Variants in NR2C2 observed in about 807,000 individuals in gnomAD.
The protein encoded by NR2C2 is Nuclear hormone receptor TR4.
NR2C2 carries 6 observed loss-of-function variants against 62.9 expected under a neutral mutation model. The observed-to-expected ratio is 0.10, with a 90% confidence interval of 0.05 to 0.19. NR2C2 has a LOEUF of 0.19. Ranked by LOEUF, NR2C2 falls within the 10% of genes least tolerant of loss-of-function variation. The pLI is 1.00. For synonymous variants in NR2C2, 272 were observed against 273.8 expected (o/e 0.99, Z 0.07); for missense variants, 479 against 762.7 (o/e 0.63, Z 4.38).
intron 7 of NR2C2, 24 bp from the exon 8 acceptor site, chr3:15,028,562 A>G: frequency 1.2e-6 from 2 of 1,602,062 alleles, no homozygotes; most frequent in Non-Finnish European, 1.7e-6. Flanking sequence ...TTCATTTTTA[A>G]TGTCAGTATT....
intron 1 of NR2C2, among the ~76,000 whole-genome samples, chr3:14,976,546 C>T (rs2040209403): frequency 6.7e-6 from 1 of 150,084 alleles, no homozygotes; most frequent in Non-Finnish European, 1.5e-5. Context: ...AGCTGTCATC[C>T]TTTACTTCTC....
At chr3:14,950,694 T>A (rs1419421754) in intron 1 of NR2C2, among the ~76,000 whole-genome samples, 1 of 152,252 alleles carries the variant, frequency 6.6e-6, no homozygotes, top group African/African-American at 2.4e-5. Context: ...TTGATTAATG[T>A]CTGTCCTTAC....
At chr3:15,020,008 G>T (rs1313166724) in intron 4 of NR2C2, among the ~76,000 whole-genome samples, 1 of 152,154 alleles carries the variant, frequency 6.6e-6, no homozygotes, top group Non-Finnish European at 1.5e-5. Context: ...ATCAAATTAT[G>T]CCTCATAAAT....
chr3:15,002,928 G>A (rs2124926063), intron 1 of NR2C2, among the ~76,000 whole-genome samples: 1 of 150,504 alleles, frequency 6.6e-6, no homozygotes, highest in Non-Finnish European at 1.5e-5. Flanking sequence ...AAAGTGCTGG[G>A]ATTACAGGCG....
rs188884944 is a variant in NR2C2, at chr3:14,987,309, C to T, written c.-39-16567C>T. Among the ~76,000 whole-genome samples, 657 of 152,188 alleles carry T rather than the reference C, an allele frequency of 4.3e-3. 8 individuals carry two copies. Among genetic ancestry groups the T allele is most frequent in the Non-Finnish European group, 5.6e-3 (380 of 68,010 alleles). On this transcript the variant is annotated intron_variant, in intron 1 of 13. Coordinates refer to ENST00000425241, the MANE Select transcript of NR2C2 (RefSeq NM_001291694.2). ...TGTTACCCAGGATGGTCTTGAACTC[C>T]GGGGCGTAAGCAATCCTTCCGCCTT...
intron 1 of NR2C2, among the ~76,000 whole-genome samples, chr3:14,955,361 A>G (rs1490327589): frequency 6.6e-6 from 1 of 152,168 alleles, no homozygotes. Flanking sequence ...GTGGTTGTGT[A>G]TATCAGTTAT....
chr3:15,032,315 TGACA>T (rs2042000714), intron 9 of NR2C2, 60 bp from the exon 10 acceptor site: 4 of 1,610,250 alleles, frequency 2.5e-6, no homozygotes, highest in African/African-American at 1.3e-5. Flanking sequence ...GGATACATGT[TGACA>T]GACAAAGCCA....
At chr3:15,001,785 T>G (rs2041011364) in intron 1 of NR2C2, among the ~76,000 whole-genome samples, 1 of 152,080 alleles carries the variant, frequency 6.6e-6, no homozygotes, top group South Asian at 2.1e-4. Flanking sequence ...ACACACCTGA[T>G]TTTTTGATTT....
At chr3:15,002,371 A>G (rs2041032495) in intron 1 of NR2C2, among the ~76,000 whole-genome samples, 1 of 152,150 alleles carries the variant, frequency 6.6e-6, no homozygotes, top group South Asian at 2.1e-4. Flanking sequence ...AATGCAATGT[A>G]TAGAACTGTT....
chr3:14,965,958 C>T (rs940323278), intron 1 of NR2C2, among the ~76,000 whole-genome samples: 1 of 152,152 alleles, frequency 6.6e-6, no homozygotes, highest in Middle Eastern at 3.2e-3. Context: ...CGTGAGCCAC[C>T]ATGCCTGGCC....
intron 2 of NR2C2, among the ~76,000 whole-genome samples, chr3:15,012,124 A>C (rs1199134428): frequency 6.6e-6 from 1 of 151,892 alleles, no homozygotes; most frequent in Admixed American, 6.6e-5. Context: ...TGCCTATGTC[A>C]TTTTATTTTG....
rs147525023 is a variant in NR2C2 at position 14,958,195 on chromosome 3, T to G, written c.-40+10289T>G. Among the ~76,000 whole-genome samples, 29 of 152,342 alleles carry G rather than the reference T, an allele frequency of 1.9e-4. 1 individual carries two copies. The East Asian group carries it at 5.6e-3, about 29-fold the overall frequency. On this transcript the variant is annotated intron_variant, in intron 1 of 13. Transcript: ENST00000425241. ...TCATAAGTTCATCAAGGACAAGGAC[T>G]GTTTATTCTCCTCTTTCTCCTCCTT...
rs557648379 is a variant in NR2C2 at position 14,994,707 on chromosome 3, C to T, written c.-39-9169C>T. On this transcript the variant is annotated intron_variant, in intron 1 of 13. Transcript: ENST00000425241. ...CCGCCAACCTCGGCCTCCCAAAGTG[C>T]TGGGTCTGCAGATGTGAGCTGCCAC... is the stretch of plus-strand genomic sequence containing the variant. 2.0e-5 allele frequency among the ~76,000 whole-genome samples: 3 copies of T among 149,464 alleles called. No individual in the cohort carries two copies. In the South Asian group the frequency reaches 6.4e-4, roughly 32 times the overall value.
intron 1 of NR2C2, among the ~76,000 whole-genome samples, chr3:15,000,219 T>C (rs2040950558): frequency 1.3e-5 from 2 of 152,218 alleles, no homozygotes; most frequent in Non-Finnish European, 2.9e-5. Context: ...ACTCTGGTTT[T>C]ATGAGTTTGA....
At chr3:15,008,848 C>CT (rs966008492) in intron 2 of NR2C2, among the ~76,000 whole-genome samples, 4 of 152,174 alleles carry the variant, frequency 2.6e-5, no homozygotes, top group Non-Finnish European at 5.9e-5. Flanking sequence ...CACTCAAAAA[C>CT]TTTGTCAGTA....
intron 1 of NR2C2, among the ~76,000 whole-genome samples, chr3:15,001,068 C>G (rs2040979972): frequency 1.3e-5 from 2 of 152,040 alleles, no homozygotes; most frequent in Admixed American, 1.3e-4. Context: ...CCTGCCTCGG[C>G]CTCCCAAAGT....
At chr3:14,951,906 C>T (rs2039374633) in intron 1 of NR2C2, among the ~76,000 whole-genome samples, 1 of 152,166 alleles carries the variant, frequency 6.6e-6, no homozygotes, top group African/African-American at 2.4e-5. Context: ...CGCCACCACG[C>T]CTGGCTAATT....
intron 1 of NR2C2, among the ~76,000 whole-genome samples, chr3:14,982,304 C>G (rs2040393763): frequency 6.6e-6 from 1 of 152,140 alleles, no homozygotes; most frequent in Non-Finnish European, 1.5e-5. Flanking sequence ...CTCCTGGGCT[C>G]AAGCAGTTGT....
Position 15,003,966 on chromosome 3 carries a change from G to A in NR2C2, c.52G>A (p.Ala18Thr), listed in dbSNP as rs752387125. The part of the protein sequence containing the change: ...IQIISTDSAV[A>T]SPQRIQIVTD... ...GATAATCTCCACCGACTCTGCTGTAGCCTCACCTCAGCGCATTCAGGTACC... is the reference window on the plus strand; with the variant it reads ...GATAATCTCCACCGACTCTGCTGTAACCTCACCTCAGCGCATTCAGGTACC... Residue 18 changes from alanine (A) to threonine (T), a missense_variant, in exon 2 of 14, where the codon GCC (alanine) becomes ACC (threonine). Ala to Thr is a moderately conservative substitution (Grantham distance 58). This residue lies in a region of NR2C2 where 115 missense variants were observed against 152.3 expected (regional missense o/e 0.76). Transcript: ENST00000425241. 1.9e-6 allele frequency: 3 copies of A among 1,612,966 alleles called. No homozygotes were observed. In the South Asian group the frequency reaches 3.3e-5, roughly 18 times the overall value.
Sources: gnomAD v4.1 joint callset for allele counts (sites outside exome capture counted in the v4.1 genomes callset) on GRCh38, gnomAD v4.1.1 for gene constraint, gnomAD v4.1.1 regional missense constraint, MANE v1.5 for transcripts, NCBI Gene and HGNC (gene_info 2026-07-23, HGNC 2026-07-21) for gene names.